TNS2: variants seen among roughly 807,000 people sequenced by gnomAD.
The protein encoded by TNS2 is tensin-2.
In TNS2, 77 loss-of-function variants were observed where a neutral mutation model predicts 155.7. That is an observed-to-expected ratio of 0.49 (90% CI 0.41 to 0.60). The LOEUF is 0.60. TNS2 is among the 20% of genes least tolerant of loss of function. The probability of loss-of-function intolerance (pLI) is 0.00; values close to 1 mark genes in which losing one functional copy is unlikely to be tolerated. For synonymous variants in TNS2, 726 were observed against 763.9 expected (o/e 0.95, Z 0.82); for missense variants, 1,703 against 1,868.8 (o/e 0.91, Z 1.64).
At position 53,059,149 on chromosome 12, in the gene TNS2, C is replaced by A. The variant is rs1474749441; in HGVS notation, c.1508C>A (p.Pro503Gln). The A allele has an allele frequency of 1.3e-6, 2 of 1,597,568 alleles. No homozygotes were observed. The highest frequency in any genetic ancestry group is 2.2e-5 in the South Asian group (2 of 89,690). ...TPPAPSPEPP[P>Q]PPMLSVSSDS... ...CCGGCACCCTCTCCAGAGCCTCCACCACCCCCCATGCTCTCTGTCAGCAGC... is the reference window on the plus strand; with the variant it reads ...CCGGCACCCTCTCCAGAGCCTCCACAACCCCCCATGCTCTCTGTCAGCAGC... The change falls in exon 18 of 29, where the codon CCA (proline) becomes CAA (glutamine). Residue 503 changes from proline (P) to glutamine (Q), a missense_variant. By Grantham distance (76) the Pro-to-Gln change is moderately conservative. Coordinates refer to ENST00000314250, the MANE Select transcript of TNS2 (RefSeq NM_170754.4). The surrounding 1 kb of genome is among the most constrained non-coding windows in gnomAD (Gnocchi z 4.7).
rs1056003889 is a variant in TNS2 at position 53,063,675 on chromosome 12, T to G, written c.4092-69T>G. On this transcript the variant is annotated intron_variant, in intron 28 of 28. Coordinates refer to ENST00000314250, the MANE Select transcript of TNS2 (RefSeq NM_170754.4). The surrounding 1 kb of genome is among the most constrained non-coding windows in gnomAD (Gnocchi z 5.6). ...TCTCAATGCTGGCATTTGATTTGTC[T>G]CACCAAGGCCAGCTACATTCCCTTG... The G allele has an allele frequency of 6.2e-7, 1 of 1,614,112 alleles. No individual in the cohort carries two copies. The highest frequency in any genetic ancestry group is 8.5e-7 in the Non-Finnish European group (1 of 1,179,980).
At chr12:53,056,904 C>T (rs1387914094) in intron 10 of TNS2, 109 bp from the exon 11 acceptor site, 1 of 1,079,094 alleles carries the variant, frequency 9.3e-7, no homozygotes, top group South Asian at 1.5e-5. Context: ...CTCTGGGCTT[C>T]TTCTAGACTT....
intron 21 of TNS2, 164 bp from the exon 22 acceptor site, chr12:53,061,651 C>T (rs1214456815): frequency 7.2e-6 from 10 of 1,386,592 alleles, no homozygotes; most frequent in Non-Finnish European, 9.8e-6. Flanking sequence ...CCAACATGGT[C>T]AAAACCCCTG....
At chr12:53,055,435 C>T (rs1299421176) in intron 8 of TNS2, 133 bp from the exon 9 acceptor site, 3 of 1,255,054 alleles carry the variant, frequency 2.4e-6, no homozygotes, top group Non-Finnish European at 2.2e-6. Flanking sequence ...AAGGAAAGTG[C>T]CGAGGCTATC....
In TNS2 at chr12:53,061,251, C is replaced by A. The variant is rs780093382; in HGVS notation, c.3345C>A (p.Val1115=). Residue 1115 remains valine, a synonymous_variant, in exon 20 of 29, where the codon GTC becomes GTA. Transcript: ENST00000314250. ...TCGCACCTCTGCTCTCAGATAATGT[C>A]CCCCAAACCCCAGGTATAAAGGCCT... The part of the protein sequence containing the change: ...VTFAPLLSDN[V]PQTPEPPTQE... The A allele has an allele frequency of 1.3e-5, 21 of 1,568,850 alleles. No individual in the cohort carries two copies. Among genetic ancestry groups the A allele is most frequent in the Non-Finnish European group, 1.6e-5 (19 of 1,157,746 alleles).
intron 21 of TNS2, 25 bp downstream of exon 21, chr12:53,061,494 C>T: frequency 6.2e-7 from 1 of 1,608,638 alleles, no homozygotes; most frequent in Admixed American, 1.7e-5. Flanking sequence ...TGCCCCCACC[C>T]CACTGCATCC....
chr12:53,060,823 C>T lies in TNS2; in HGVS notation c.2917C>T (p.Pro973Ser). The change falls in exon 20 of 29, where the codon CCA (proline) becomes TCA (serine). Residue 973 changes from proline to serine, a missense_variant. Pro to Ser is a moderately conservative substitution (Grantham distance 74). Transcript: ENST00000314250. The surrounding 1 kb of genome is among the most constrained non-coding windows in gnomAD (Gnocchi z 6.1). ...TGGGCCTGAGCCTCTGGCCCCTAGCCCAGTCTCTCCGACCTTCCCTCCCAG... is the reference window on the plus strand; with the variant it reads ...TGGGCCTGAGCCTCTGGCCCCTAGCTCAGTCTCTCCGACCTTCCCTCCCAG... ...GSGPEPLAPS[P>S]VSPTFPPSSP... 2 of 1,608,976 alleles carry T rather than the reference C, an allele frequency of 1.2e-6. No homozygotes were observed. Among genetic ancestry groups the T allele is most frequent in the Non-Finnish European group, 1.7e-6 (2 of 1,176,732 alleles).
upstream of TNS2, among the ~76,000 whole-genome samples, chr12:53,047,602 G>C (rs1488608077): frequency 4.0e-5 from 6 of 151,514 alleles, no homozygotes; most frequent in Non-Finnish European, 8.8e-5. Context: ...GGCCCTACTC[G>C]ATCAGGCCGC....
At position 53,059,254 on chromosome 12, in the gene TNS2, G is replaced by C. The variant is rs757424331; in HGVS notation, c.1613G>C (p.Arg538Pro). 2 of 1,518,262 alleles carry C rather than the reference G, an allele frequency of 1.3e-6. No homozygotes were observed. Among genetic ancestry groups the C allele is most frequent in the Non-Finnish European group, 1.8e-6 (2 of 1,141,508 alleles). The allele number at this position is 1,518,262 out of a possible 1,614,324, so 94.0% of individuals were successfully genotyped here. A position where few individuals can be genotyped will look rare whatever the true frequency, so the allele number is the denominator to read the frequency against. Residue 538 changes from arginine to proline, a missense_variant, in exon 18 of 29, where the codon CGG (arginine) becomes CCG (proline). By Grantham distance (103) the Arg-to-Pro change is moderately radical (BLOSUM62 -2). Coordinates refer to ENST00000314250, the MANE Select transcript of TNS2 (RefSeq NM_170754.4). The surrounding 1 kb of genome is among the most constrained non-coding windows in gnomAD (Gnocchi z 4.7). ...PGRPPPTAAE[R>P]QELDRLLGGC... ...CGGCCGCCCCCTACAGCTGCTGAAC[G>C]GCAGGAGCTGGATCGCCTCCTAGGA...
At chr12:53,062,480 C>A (rs769449016) in intron 24 of TNS2, 27 bp downstream of exon 24, 10 of 1,612,506 alleles carry the variant, frequency 6.2e-6, no homozygotes, top group Admixed American at 3.3e-5. Flanking sequence ...CTGTCCTCCC[C>A]ACCTCTCCCT....
In TNS2 at chr12:53,060,890, A is replaced by G. The variant is rs760610639; in HGVS notation, c.2984A>G (p.His995Arg). The change falls in exon 20 of 29, where the codon CAC becomes CGC. Residue 995 changes from histidine (H) to arginine (R), a missense_variant. His to Arg is a conservative substitution (Grantham distance 29, BLOSUM62 0). Transcript: ENST00000314250. This position sits in a 1 kb window ranked among gnomAD's most constrained non-coding sequence, Gnocchi z 6.1. Reference protein sequence around the residue: ...DWPQERSPGGHSDGASPRSPV... With the variant: ...DWPQERSPGGRSDGASPRSPV... Reference sequence around the variant, plus strand: ...CCTCAGGAAAGGAGTCCAGGGGGCCACTCAGATGGCGCCAGTCCTCGGAGC... The same window carrying G: ...CCTCAGGAAAGGAGTCCAGGGGGCCGCTCAGATGGCGCCAGTCCTCGGAGC... 2.5e-6 allele frequency: 4 copies of G among 1,589,182 alleles called. No individual in the cohort carries two copies. The African/African-American group carries it at 5.4e-5, about 21-fold the overall frequency.
At chr12:53,052,393 G>A in intron 2 of TNS2, 62 bp from the exon 3 acceptor site, 1 of 1,603,740 alleles carries the variant, frequency 6.2e-7, no homozygotes. Context: ...ATGAGGGAAG[G>A]CCATTCCTTC....
rs1008424142 is a variant in TNS2 at position 53,050,886 on chromosome 12, C to T, written c.75+626C>T. Among the ~76,000 whole-genome samples the T allele has an allele frequency of 6.6e-5, 10 of 152,146 alleles. 1 individual carries two copies. The highest frequency in any genetic ancestry group is 6.5e-4 in the Admixed American group (10 of 15,274). ...TTGCCCCAAAAGCAGCAGCTCAGGA[C>T]AACCTGAGATACTACTGTGATGGGT... On this transcript the variant is annotated intron_variant, in intron 1 of 28. Transcript: ENST00000314250. This position sits in a 1 kb window ranked among gnomAD's most constrained non-coding sequence, Gnocchi z 4.7.
intron 1 of TNS2, 31 bp from the exon 2 acceptor site, chr12:53,051,824 C>T: frequency 6.3e-7 from 1 of 1,579,290 alleles, no homozygotes; most frequent in South Asian, 1.1e-5. Context: ...CCACTGGGAA[C>T]TCACACCTCT....
At chr12:53,052,894 C>T (rs1016074372) in intron 3 of TNS2, among the ~76,000 whole-genome samples, 5 of 152,160 alleles carry the variant, frequency 3.3e-5, no homozygotes, top group Middle Eastern at 3.4e-3. Context: ...AATGCCTGGG[C>T]GGGTCTTGTC....
chr12:53,063,980 A>G lies in TNS2; in HGVS notation c.*98A>G. 1 of 1,375,982 alleles carries G rather than the reference A, an allele frequency of 7.3e-7. No individual in the cohort carries two copies. The highest frequency in any genetic ancestry group is 1.0e-6 in the Non-Finnish European group (1 of 1,002,950). The allele number at this position is 1,375,982 out of a possible 1,614,324, so 85.2% of individuals were successfully genotyped here. On this transcript the variant is annotated 3_prime_UTR_variant, in exon 29 of 29. Coordinates refer to ENST00000314250, the MANE Select transcript of TNS2 (RefSeq NM_170754.4). The surrounding 1 kb of genome is among the most constrained non-coding windows in gnomAD (Gnocchi z 5.6). ...GGCCTGGACCCAGGAGACCCAGGAG[A>G]AAGCACCCTCCCTTAGGAATGAGGA... is the stretch of plus-strand genomic sequence containing the variant.
At chr12:53,052,333 G>T in intron 2 of TNS2, 122 bp from the exon 3 acceptor site, 1 of 1,302,516 alleles carries the variant, frequency 7.7e-7, no homozygotes, top group Non-Finnish European at 1.1e-6. Context: ...AGCCAGCCCA[G>T]TCCAGGTGGG....
upstream of TNS2, chr12:53,049,278 G>C (rs765604952): frequency 2.8e-5 from 45 of 1,587,830 alleles, 1 homozygote; most frequent in South Asian, 1.8e-4. Context: ...GTTGCCGCGG[G>C]GGGAGGGTGC....
rs763977398 is a variant in TNS2, at chr12:53,055,634, G to C, written c.640G>C (p.Ala214Pro). ...PLDKLCSICK[A>P]METWLSADPQ... The stretch of plus-strand genomic sequence containing the variant: ...GGACAAGCTGTGCTCCATCTGCAAA[G>C]CCATGGAGACATGGCTCAGTGCTGA... The change falls in exon 9 of 29, where the codon GCC becomes CCC. Residue 214 changes from alanine (A) to proline (P), a missense_variant. Coordinates refer to ENST00000314250, the MANE Select transcript of TNS2 (RefSeq NM_170754.4). 6.2e-7 allele frequency: 1 copy of C among 1,614,108 alleles called. No homozygotes were observed. Among genetic ancestry groups the C allele is most frequent in the Non-Finnish European group, 8.5e-7 (1 of 1,180,016 alleles).
Sources: allele counts gnomAD v4.1 joint callset (sites outside exome capture counted in the v4.1 genomes callset), GRCh38; gene constraint gnomAD v4.1.1; non-coding constraint Gnocchi (gnomAD v3.1); transcripts MANE v1.5; gene names NCBI Gene and HGNC (gene_info 2026-07-23, HGNC 2026-07-21).